Variants in SHOX observed in about 807,000 individuals in gnomAD.
SHOX encodes the protein SHOX homeobox.
Under a neutral mutation model 29.6 loss-of-function variants are expected in SHOX, and 12 were observed. That is an observed-to-expected ratio of 0.41 (90% CI 0.26 to 0.66). The LOEUF is 0.66. SHOX is among the 30% of genes least tolerant of loss of function. The pLI, the probability that SHOX is intolerant of heterozygous loss-of-function variation, is 0.35. For missense variants in SHOX, 499 were observed against 437.7 expected (o/e 1.14, Z -1.25); for synonymous variants, 214 against 200.6 (o/e 1.07, Z -0.57).
chrX:654,726 C>G (rs28604928), downstream of SHOX, among the ~76,000 whole-genome samples: 2 of 151,886 alleles, frequency 1.3e-5, no homozygotes, highest in Non-Finnish European at 2.9e-5. Flanking sequence ...CGCTCTGTTG[C>G]CAGGCTGGAG....
chrX:649,365 GA>G lies in SHOX; in HGVS notation c.*4731del. Among the ~76,000 whole-genome samples, 1 of 152,268 alleles carries G rather than the reference GA, an allele frequency of 6.6e-6. No homozygotes were observed. Among genetic ancestry groups the G allele is most frequent in the Middle Eastern group, 3.4e-3 (1 of 294 alleles). ...CTCTCTCTTTTTCTGAGATGTTTAG[GA>G]AGGACTGGGCTGATGGGGACCCTCT... is the stretch of plus-strand genomic sequence containing the variant. On this transcript the variant is annotated 3_prime_UTR_variant, in exon 5 of 5. Coordinates refer to ENST00000686671, the MANE Select transcript of SHOX (RefSeq NM_000451.4).
At chrX:624,701 TTTTCTTTCTTTCTTTC>T (rs780534775) in intron 1 of SHOX, 3 of 105,372 alleles carry the variant, frequency 2.8e-5, no homozygotes, top group African/African-American at 8.1e-5. Flanking sequence ...TTCCTCTTTC[TTTTCTTTCTTTCTTTC>T]TTTCTTTCTT....
At chrX:653,133 C>G (rs1333172677), downstream of SHOX, among the ~76,000 whole-genome samples, 1 of 152,108 alleles carries the variant, frequency 6.6e-6, no homozygotes, top group South Asian at 2.1e-4. Context: ...CCCAGCTACT[C>G]AGGAAGCTGA....
At position 644,773 on chromosome X, in the gene SHOX, A is replaced by G; in HGVS notation, c.*137A>G. 1 of 1,183,810 alleles carries G rather than the reference A, an allele frequency of 8.4e-7. No homozygotes were observed. Among genetic ancestry groups the G allele is most frequent in the South Asian group, 2.1e-5 (1 of 47,628 alleles). 73.3% of individuals were successfully genotyped at this position (1,183,810 alleles called of 1,614,324 possible). A position where few individuals can be genotyped will look rare whatever the true frequency, so the allele number is the denominator to read the frequency against. On this transcript the variant is annotated 3_prime_UTR_variant, in exon 5 of 5. Transcript: ENST00000686671. The stretch of plus-strand genomic sequence containing the variant: ...CGGGCACCCCGGGAGCTCCTGCAAG[A>G]GGCCTGAGGAGGGAGGCTCCCGGGA...
At chrX:630,661 G>A (rs2052630369), upstream of SHOX, 8 of 606,632 alleles carry the variant, frequency 1.3e-5, no homozygotes, top group South Asian at 1.6e-4. Context: ...CCTGGGGGGT[G>A]GGGGAGACAC....
intron 4 of SHOX, 37 bp from the exon 5 acceptor site, chrX:644,354 A>T: frequency 6.6e-7 from 1 of 1,510,800 alleles, no homozygotes; most frequent in Non-Finnish European, 8.8e-7. Flanking sequence ...CCCAGTCCCC[A>T]TCCTGCGCCC....
intron 4 of SHOX, 47 bp from the exon 5 acceptor site, chrX:644,344 C>A: frequency 6.7e-7 from 1 of 1,502,094 alleles, no homozygotes; most frequent in Non-Finnish European, 8.8e-7. Context: ...GAGCAGGCCC[C>A]CCAGTCCCCA....
At chrX:639,104 G>T (rs73607270) in intron 2 of SHOX, among the ~76,000 whole-genome samples, 1 of 152,170 alleles carries the variant, frequency 6.6e-6, no homozygotes, top group Non-Finnish European at 1.5e-5. Flanking sequence ...GAGGAGGCTC[G>T]TAGGAGGTGA....
intron 2 of SHOX, among the ~76,000 whole-genome samples, chrX:636,947 AAT>A (rs909293156): frequency 3.8e-5 from 3 of 78,914 alleles, no homozygotes; most frequent in Non-Finnish European, 7.1e-5. Flanking sequence ...TTCATTTAAA[AAT>A]ATATATATAT....
chrX:651,461 A>T lies in SHOX; in HGVS notation c.*6825A>T, dbSNP rs1259199151. 2 of 450,142 alleles carry T rather than the reference A, an allele frequency of 4.4e-6. No individual in the cohort carries two copies. The highest frequency in any genetic ancestry group is 4.0e-5 in the African/African-American group (2 of 49,404). 27.9% of individuals were successfully genotyped at this position (450,142 alleles called of 1,614,324 possible). On this transcript the variant is annotated 3_prime_UTR_variant, in exon 5 of 5. Transcript: ENST00000686671. ...CCTGAGTTTCTCTGGTGACGCCCTC[A>T]TTCTCCTAACGTTCAATAATCTCAA...
chrX:650,758 G>A lies in SHOX; in HGVS notation c.*6122G>A, dbSNP rs1375446962. Among the ~76,000 whole-genome samples, 4 of 140,202 alleles carry A rather than the reference G, an allele frequency of 2.9e-5. No homozygotes were observed. Among genetic ancestry groups the A allele is most frequent in the African/African-American group, 1.1e-4 (4 of 37,666 alleles). 92.0% of individuals were successfully genotyped at this position (140,202 alleles called of 152,430 possible). A position where few individuals can be genotyped will look rare whatever the true frequency, so the allele number is the denominator to read the frequency against. On this transcript the variant is annotated 3_prime_UTR_variant, in exon 5 of 5. Transcript: ENST00000686671. ...CTCCTCCAGCTTTGGGAGGTCTGGG[G>A]AGGAGAGAGGCTTTCGGTGGACACG...
At position 649,645 on chromosome X, in the gene SHOX, G is replaced by A. The variant is rs1344352251; in HGVS notation, c.*5009G>A. On this transcript the variant is annotated 3_prime_UTR_variant, in exon 5 of 5. Transcript: ENST00000686671. ...GGAATACCACCCAGAGAGCAACGTG[G>A]GCTGTGTTCCGATGTAACGCCGTTG... Among the ~76,000 whole-genome samples, 1 of 152,136 alleles carries A rather than the reference G, an allele frequency of 6.6e-6. No homozygotes were observed. Among genetic ancestry groups the A allele is most frequent in the Admixed American group, 6.5e-5 (1 of 15,276 alleles).
upstream of SHOX, chrX:630,534 G>C: frequency 4.9e-6 from 2 of 409,586 alleles, no homozygotes; most frequent in South Asian, 5.3e-5. Context: ...GGGCTCGGGC[G>C]CCTGCGCCCC....
In SHOX at chrX:649,998, CCGTT is replaced by C. The variant is rs1415793896; in HGVS notation, c.*5365_*5368del. 4.4e-6 allele frequency: 2 copies of C among 456,062 alleles called. No individual in the cohort carries two copies. The highest frequency in any genetic ancestry group is 8.8e-6 in the Non-Finnish European group (2 of 226,808). The allele number at this position is 456,062 out of a possible 1,614,324, so 28.3% of individuals were successfully genotyped here. The stretch of plus-strand genomic sequence containing the variant: ...GATGTTGCTATTAGATTTTCTTTCT[CCGTT>C]CGAGTCTCTGACTGGTGCATACTTT... On this transcript the variant is annotated 3_prime_UTR_variant, in exon 5 of 5. Transcript: ENST00000686671.
At chrX:634,069 G>A (rs2052694889) in intron 1 of SHOX, among the ~76,000 whole-genome samples, 1 of 152,120 alleles carries the variant, frequency 6.6e-6, no homozygotes, top group South Asian at 2.1e-4. Flanking sequence ...GCGCATTCAG[G>A]TACTCAGACG....
rs1250763370 is a variant in SHOX at position 644,950 on chromosome X, T to C, written c.*314T>C. ...AAACCCCCGCCTGGCTGCGTCTTCC[T>C]CTGCTATACCCTATGCATGCGGTTA... On this transcript the variant is annotated 3_prime_UTR_variant, in exon 5 of 5. Transcript: ENST00000686671. 2 of 399,404 alleles carry C rather than the reference T, an allele frequency of 5.0e-6. No homozygotes were observed. Among genetic ancestry groups the C allele is most frequent in the Non-Finnish European group, 8.8e-6 (2 of 226,726 alleles). 24.7% of individuals were successfully genotyped at this position (399,404 alleles called of 1,614,324 possible).
At chrX:637,973 G>A (rs2052785924) in intron 2 of SHOX, among the ~76,000 whole-genome samples, 1 of 152,190 alleles carries the variant, frequency 6.6e-6, no homozygotes, top group Admixed American at 6.5e-5. Flanking sequence ...CACGGTGAGG[G>A]GCAGGCGGTA....
downstream of SHOX, among the ~76,000 whole-genome samples, chrX:654,647 G>A (rs1319815536): frequency 1.3e-5 from 2 of 152,190 alleles, no homozygotes; most frequent in South Asian, 2.1e-4. Flanking sequence ...GCTCTCCTAC[G>A]GTTGAAGCTA....
intron 2 of SHOX, 164 bp downstream of exon 2, chrX:634,990 G>A (rs1171365658): frequency 4.7e-6 from 1 of 210,644 alleles, no homozygotes; most frequent in Non-Finnish European, 8.2e-6. Flanking sequence ...TTTTGGAGAC[G>A]CCTGAGGCCT....
Sources: gnomAD v4.1 joint callset for allele counts (sites outside exome capture counted in the v4.1 genomes callset) on GRCh38, gnomAD v4.1.1 for gene constraint, MANE v1.5 for transcripts, NCBI Gene and HGNC (gene_info 2026-07-23, HGNC 2026-07-21) for gene names.